Variants in IRAG2 observed in about 807,000 individuals in gnomAD.
IRAG2 encodes lymphoid restricted membrane protein.
IRAG2 carries 45 observed loss-of-function variants against 69.9 expected under a neutral mutation model. The ratio of observed to expected loss-of-function variants is 0.64; its 90% CI spans 0.51 to 0.83. The LOEUF is 0.83. Among genes scored for constraint, IRAG2 ranks in the 40% least tolerant of loss-of-function variants. The pLI, the probability that IRAG2 is intolerant of heterozygous loss-of-function variation, is 0.00. For missense variants in IRAG2, 520 were observed against 587.0 expected, an observed-to-expected ratio of 0.89 and a Z score of 1.18; for synonymous variants, 193 against 202.4, an observed-to-expected ratio of 0.95 and a Z score of 0.40.
chr12:25,061,751 A>T, intron 2 of IRAG2, 98 bp downstream of exon 2: 1 of 397,108 alleles, frequency 2.5e-6, no homozygotes, highest in Non-Finnish European at 4.4e-6. Context: ...GACTTTAATC[A>T]TTAAATTAAA....
intron 16 of IRAG2, 52 bp downstream of exon 16, chr12:25,101,377 C>T (rs761151281): frequency 1.5e-6 from 2 of 1,352,318 alleles, no homozygotes; most frequent in Non-Finnish European, 2.0e-6. Flanking sequence ...ACATTCTCCT[C>T]TTTTTTGCTA....
chr12:25,033,890 C>A, exon 13 of IRAG2: 1 of 399,028 alleles, frequency 2.5e-6, no homozygotes, highest in Non-Finnish European at 4.4e-6. Context: ...GTAACAGTAT[C>A]ATCTCTGAAG....
At chr12:25,041,763 T>C (rs917966324) in intron 16 of IRAG2, among the ~76,000 whole-genome samples, 15 of 149,790 alleles carry the variant, frequency 1.0e-4, no homozygotes, top group East Asian at 2.0e-4. Flanking sequence ...CACCTAGGCC[T>C]CCCAAAGTGC....
intron 14 of IRAG2, chr12:25,092,731 T>C (rs907606677): frequency 5.8e-5 from 9 of 155,562 alleles, no homozygotes; most frequent in African/African-American, 1.9e-4. Context: ...CCCAAAAGTG[T>C]TCCTACTTTA....
At position 25,056,894 on chromosome 12, in the gene IRAG2, C is replaced by T. The variant is rs545441709; in HGVS notation, c.-447+3938C>T. 2.0e-5 allele frequency among the ~76,000 whole-genome samples: 3 copies of T among 152,284 alleles called. No homozygotes were observed. In the East Asian group the frequency reaches 5.8e-4, roughly 29 times the overall value. ...AATAAGTGTCTGCACCTGGGCCTCC[C>T]TCCCCAGAGTCACTCTGGGTTCTAC... On this transcript the variant is annotated intron_variant, in intron 1 of 21. Coordinates refer to ENST00000556887, the MANE Select transcript of IRAG2 (RefSeq NM_001366544.2).
At chr12:25,066,588 C>A in intron 5 of IRAG2, 76 bp downstream of exon 5, 2 of 396,498 alleles carry the variant, frequency 5.0e-6, no homozygotes, top group South Asian at 1.4e-4. Context: ...TTTAATTGGT[C>A]AGATTTTCAT....
At chr12:25,011,284 A>G in intron 2 of IRAG2, 1 of 1,105,456 alleles carries the variant, frequency 9.0e-7, no homozygotes, top group South Asian at 4.7e-5. Flanking sequence ...TTCTAGGATC[A>G]GGAAACATTA....
chr12:25,092,531 C>T (rs1948134102), intron 14 of IRAG2, among the ~76,000 whole-genome samples: 2 of 144,904 alleles, frequency 1.4e-5, no homozygotes, highest in Admixed American at 7.1e-5. Flanking sequence ...TGCCATTGCA[C>T]TCCAGCCTGG....
intron 2 of IRAG2, among the ~76,000 whole-genome samples, chr12:25,010,803 T>G (rs1047824983): frequency 6.6e-6 from 1 of 152,182 alleles, no homozygotes; most frequent in African/African-American, 2.4e-5. Flanking sequence ...AAAAGTCTTA[T>G]GTTTAAAAAA....
upstream of IRAG2, chr12:25,052,226 T>A (rs956273084): frequency 2.7e-4 from 103 of 386,312 alleles, no homozygotes; most frequent in African/African-American, 1.9e-3. Flanking sequence ...TTTTTTTTTT[T>A]AACTCCAGTC....
intron 9 of IRAG2, among the ~76,000 whole-genome samples, chr12:25,081,235 G>A (rs890027973): frequency 6.6e-6 from 1 of 152,220 alleles, no homozygotes; most frequent in South Asian, 2.1e-4. Flanking sequence ...GGCTGAGGCA[G>A]GCAGATCACG....
In IRAG2 at chr12:25,083,568, C is replaced by T; in HGVS notation, c.315+75C>T. The T allele has an allele frequency of 3.5e-6, 3 of 847,908 alleles. No homozygotes were observed. In the South Asian group the frequency reaches 4.5e-5, roughly 13 times the overall value. 52.5% of individuals were successfully genotyped at this position (847,908 alleles called of 1,614,324 possible). A position where few individuals can be genotyped will look rare whatever the true frequency, so the allele number is the denominator to read the frequency against. On this transcript the variant is annotated intron_variant, in intron 10 of 21. Coordinates refer to ENST00000556887, the MANE Select transcript of IRAG2 (RefSeq NM_001366544.2). ...TAGAACTATCCCTCTAAAAAGTAGT[C>T]TTAAAAGTATTATCTCATTTATCCT...
chr12:25,011,391 A>G, exon 3 of IRAG2: 1 of 1,231,750 alleles, frequency 8.1e-7, no homozygotes, highest in Non-Finnish European at 1.0e-6. Flanking sequence ...AGTGGCCAAA[A>G]TAATCAATTT....
chr12:25,052,106 T>A, upstream of IRAG2: 1 of 393,550 alleles, frequency 2.5e-6, no homozygotes, highest in Non-Finnish European at 4.5e-6. Context: ...CTTTCACTTT[T>A]TCCTCTGATC....
intron 2 of IRAG2, among the ~76,000 whole-genome samples, chr12:25,009,947 G>A (rs556984612): frequency 4.6e-5 from 7 of 152,300 alleles, no homozygotes; most frequent in South Asian, 2.1e-4. Context: ...TGGACAATCT[G>A]CTTTACTTGG....
At chr12:25,095,707 A>G (rs1231244600) in intron 14 of IRAG2, among the ~76,000 whole-genome samples, 1 of 152,190 alleles carries the variant, frequency 6.6e-6, no homozygotes, top group Non-Finnish European at 1.5e-5. Flanking sequence ...AGTTTTATGA[A>G]GATTGGCATT....
At chr12:25,070,278 T>C (rs1338858431) in intron 6 of IRAG2, among the ~76,000 whole-genome samples, 2 of 152,142 alleles carry the variant, frequency 1.3e-5, no homozygotes, top group Admixed American at 1.3e-4. Flanking sequence ...TTTCCTCCTG[T>C]CCCCAACCCC....
chr12:25,076,257 T>A (rs1192670539), intron 6 of IRAG2: 1 of 213,890 alleles, frequency 4.7e-6, no homozygotes, highest in Non-Finnish European at 8.0e-6. Context: ...CTTGCTACTG[T>A]TCCACAACAA....
At chr12:25,058,054 C>A (rs1173519298) in intron 1 of IRAG2, among the ~76,000 whole-genome samples, 3 of 152,160 alleles carry the variant, frequency 2.0e-5, no homozygotes, top group Non-Finnish European at 4.4e-5. Context: ...CTGCTATGAA[C>A]GTCTGTGTAC....
Sources: allele counts gnomAD v4.1 joint callset (sites outside exome capture counted in the v4.1 genomes callset), GRCh38; gene constraint gnomAD v4.1.1; transcripts MANE v1.5; gene names NCBI Gene and HGNC (gene_info 2026-07-23, HGNC 2026-07-21).